Variants in PLXDC2 observed in about 807,000 individuals in gnomAD.
PLXDC2 encodes the protein plexin domain-containing protein 2.
PLXDC2 carries 40 observed loss-of-function variants against 68.9 expected under a neutral mutation model. That is an observed-to-expected ratio of 0.58 (90% CI 0.45 to 0.76). The LOEUF is 0.76. PLXDC2 is among the 30% of genes least tolerant of loss of function. The pLI is 0.00. For missense variants in PLXDC2, 644 were observed against 661.9 expected (o/e 0.97, Z 0.30); for synonymous variants, 243 against 234.2 (o/e 1.04, Z -0.34).
chr10:20,000,208 T>C (rs1472234034), intron 1 of PLXDC2, among the ~76,000 whole-genome samples: 1 of 152,062 alleles, frequency 6.6e-6, no homozygotes, highest in Non-Finnish European at 1.5e-5. Context: ...GATGTGCTTA[T>C]TAAACACTTA....
chr10:20,001,457 T>C (rs1240357120), intron 1 of PLXDC2, among the ~76,000 whole-genome samples: 1 of 152,196 alleles, frequency 6.6e-6, no homozygotes, highest in Admixed American at 6.5e-5. Flanking sequence ...AGCTAGAGAA[T>C]GTGTATGAAG....
At chr10:19,869,468 A>AGGGGGGG (rs555686208) in intron 1 of PLXDC2, among the ~76,000 whole-genome samples, 5 of 44,592 alleles carry the variant, frequency 1.1e-4, no homozygotes, top group African/African-American at 3.3e-4. Context: ...AGAGAGAGAA[A>AGGGGGGG]GGGGGGGGGG....
intron 4 of PLXDC2, among the ~76,000 whole-genome samples, chr10:20,097,604 A>G (rs557736424): frequency 2.6e-5 from 4 of 152,220 alleles, no homozygotes; most frequent in Non-Finnish European, 4.4e-5. Context: ...GTGATTGAAT[A>G]GAAAAACACT....
chr10:19,870,071 AG>A, intron 1 of PLXDC2, among the ~76,000 whole-genome samples: 2 of 152,338 alleles, frequency 1.3e-5, no homozygotes, highest in East Asian at 3.9e-4. Flanking sequence ...ATGATCCCTA[AG>A]AGAAAGTAAG....
chr10:19,833,662 T>C (rs1207145404), intron 1 of PLXDC2, among the ~76,000 whole-genome samples: 1 of 152,208 alleles, frequency 6.6e-6, no homozygotes, highest in Non-Finnish European at 1.5e-5. Flanking sequence ...CTTATTAATG[T>C]ACTTGTTTCT....
intron 13 of PLXDC2, among the ~76,000 whole-genome samples, chr10:20,256,034 T>A (rs2119356722): frequency 6.6e-6 from 1 of 152,286 alleles, no homozygotes; most frequent in African/African-American, 2.4e-5. Context: ...ACATTTGTAT[T>A]CTAATTAACA....
chr10:20,163,152 G>A (rs1424478430), intron 6 of PLXDC2, among the ~76,000 whole-genome samples: 1 of 152,246 alleles, frequency 6.6e-6, no homozygotes, highest in Non-Finnish European at 1.5e-5. Context: ...AATACCAGAA[G>A]ACTAATTTAT....
intron 1 of PLXDC2, among the ~76,000 whole-genome samples, chr10:19,922,759 A>C (rs1371085581): frequency 1.3e-5 from 2 of 152,178 alleles, no homozygotes; most frequent in African/African-American, 4.8e-5. Context: ...ACATGTTTTG[A>C]AAGCTTATAA....
chr10:19,946,900 T>A (rs1268456568), intron 1 of PLXDC2, among the ~76,000 whole-genome samples: 1 of 152,030 alleles, frequency 6.6e-6, no homozygotes, highest in Non-Finnish European at 1.5e-5. Flanking sequence ...GAGGAGTAGC[T>A]GCAGATACAG....
chr10:20,041,419 A>G (rs1281955989), intron 2 of PLXDC2, among the ~76,000 whole-genome samples: 2 of 152,124 alleles, frequency 1.3e-5, no homozygotes, highest in African/African-American at 4.8e-5. Flanking sequence ...CTCCATATAG[A>G]TAACTCAATT....
intron 1 of PLXDC2, among the ~76,000 whole-genome samples, chr10:19,820,660 A>G (rs1836449607): frequency 1.3e-5 from 2 of 152,064 alleles, no homozygotes; most frequent in African/African-American, 4.8e-5. Flanking sequence ...AAAAAAGAAA[A>G]GAAAATATGT....
chr10:20,122,579 G>A (rs139286143), intron 4 of PLXDC2, among the ~76,000 whole-genome samples: 3,228 of 152,318 alleles, frequency 0.021, 112 homozygotes, highest in African/African-American at 0.071. Flanking sequence ...ATCCTGGGCT[G>A]CAGGCATTCC....
intron 4 of PLXDC2, among the ~76,000 whole-genome samples, chr10:20,082,940 T>G (rs1235841580): frequency 6.7e-6 from 1 of 148,906 alleles, no homozygotes; most frequent in Non-Finnish European, 1.5e-5. Context: ...TACATATATA[T>G]GTACATATAT....
chr10:19,990,652 G>A (rs576205480), intron 1 of PLXDC2, among the ~76,000 whole-genome samples: 1 of 152,044 alleles, frequency 6.6e-6, no homozygotes. Flanking sequence ...TCTAATTTTA[G>A]TATAGTTTTT....
intron 6 of PLXDC2, among the ~76,000 whole-genome samples, chr10:20,150,137 T>A (rs1181918513): frequency 6.6e-6 from 1 of 152,138 alleles, no homozygotes; most frequent in Non-Finnish European, 1.5e-5. Context: ...TAGAGTTCCC[T>A]CTTGATGCTG....
chr10:20,037,047 C>G (rs900605928), intron 2 of PLXDC2, among the ~76,000 whole-genome samples: 1 of 152,098 alleles, frequency 6.6e-6, no homozygotes, highest in Non-Finnish European at 1.5e-5. Flanking sequence ...TGCCTTTTGG[C>G]CAAAAGATCT....
At chr10:19,956,254 T>C (rs1341176285) in intron 1 of PLXDC2, among the ~76,000 whole-genome samples, 1 of 152,174 alleles carries the variant, frequency 6.6e-6, no homozygotes, top group Admixed American at 6.5e-5. Context: ...AGTGAAAGAA[T>C]GGCAACTACT....
chr10:20,202,981 G>T (rs896119276), intron 9 of PLXDC2, among the ~76,000 whole-genome samples: 4 of 152,020 alleles, frequency 2.6e-5, no homozygotes, highest in African/African-American at 9.7e-5. Context: ...CACAAATGAG[G>T]ACATTTTGCC....
chr10:20,251,619 A>G (rs1338636856), intron 13 of PLXDC2, among the ~76,000 whole-genome samples: 5 of 152,138 alleles, frequency 3.3e-5, no homozygotes, highest in South Asian at 2.1e-4. Context: ...CAAGATTTTT[A>G]AATAAAATAC....
Sources: allele counts gnomAD v4.1 joint callset (sites outside exome capture counted in the v4.1 genomes callset), GRCh38; gene constraint gnomAD v4.1.1; transcripts MANE v1.5; gene names NCBI Gene and HGNC (gene_info 2026-07-23, HGNC 2026-07-21).